GOLIM4: variants seen among roughly 807,000 people sequenced by gnomAD.
GOLIM4 encodes golgi integral membrane protein 4.
GOLIM4 carries 71 observed loss-of-function variants against 107.4 expected under a neutral mutation model. The ratio of observed to expected loss-of-function variants is 0.66; its 90% CI spans 0.55 to 0.81. The LOEUF (loss-of-function observed/expected upper bound fraction) is 0.81. Ranked by LOEUF, GOLIM4 falls within the 30% of genes least tolerant of loss-of-function variation. The pLI is 0.00. For synonymous variants in GOLIM4, 327 were observed against 294.8 expected (o/e 1.11, Z -1.12); for missense variants, 830 against 826.1 (o/e 1.00, Z -0.06).
At chr3:168,076,975 T>C (rs1419457008) in intron 1 of GOLIM4, among the ~76,000 whole-genome samples, 1 of 152,194 alleles carries the variant, frequency 6.6e-6, no homozygotes, top group African/African-American at 2.4e-5. Flanking sequence ...CAGATTTACT[T>C]ATTGCCTTTT....
intron 1 of GOLIM4, among the ~76,000 whole-genome samples, chr3:168,084,790 C>T (rs1170282520): frequency 6.6e-6 from 1 of 152,132 alleles, no homozygotes; most frequent in Admixed American, 6.6e-5. Context: ...GTGCCTCGAA[C>T]ACACTCTACA....
chr3:168,044,351 T>C (rs943335451), intron 4 of GOLIM4, among the ~76,000 whole-genome samples: 3 of 152,210 alleles, frequency 2.0e-5, no homozygotes, highest in Non-Finnish European at 4.4e-5. Flanking sequence ...TGACACAGAA[T>C]AATGAGTTTT....
intron 1 of GOLIM4, among the ~76,000 whole-genome samples, chr3:168,065,469 T>A (rs1479769846): frequency 6.6e-6 from 1 of 152,208 alleles, no homozygotes; most frequent in Non-Finnish European, 1.5e-5. Context: ...ATGCTTAAGG[T>A]GTCCTACAGT....
chr3:168,092,064 T>C (rs560725202), intron 1 of GOLIM4, among the ~76,000 whole-genome samples: 98 of 152,326 alleles, frequency 6.4e-4, no homozygotes, highest in African/African-American at 2.3e-3. Flanking sequence ...GTTATTTAAT[T>C]GGTCTGGGAG....
In GOLIM4 at chr3:168,024,818, C is replaced by T. The variant is rs888815665; in HGVS notation, c.1791+110G>A. The T allele has an allele frequency of 3.3e-5, 38 of 1,151,478 alleles. No homozygotes were observed. In the South Asian group the frequency reaches 3.4e-4, roughly 10 times the overall value. 71.3% of individuals were successfully genotyped at this position (1,151,478 alleles called of 1,614,324 possible). Reference sequence around the variant, plus strand: ...TGTCATAAAGTGGCCTAAAAACCACCGAAGTGGCAAACCTTCCGTCAATGT... The same window carrying T: ...TGTCATAAAGTGGCCTAAAAACCACTGAAGTGGCAAACCTTCCGTCAATGT... On this transcript the variant is annotated intron_variant, in intron 13 of 15. Transcript: ENST00000470487.
chr3:168,020,477 G>C (rs1027248819), intron 14 of GOLIM4, among the ~76,000 whole-genome samples: 8 of 152,144 alleles, frequency 5.3e-5, no homozygotes, highest in African/African-American at 1.7e-4. Context: ...AAAATCTCAA[G>C]GGTAAGGGTC....
chr3:168,091,028 G>GT (rs112845340), intron 1 of GOLIM4, among the ~76,000 whole-genome samples: 2 of 152,094 alleles, frequency 1.3e-5, no homozygotes, highest in Admixed American at 6.6e-5. Context: ...AGGCTAGCAG[G>GT]GGGTGAGAGT....
chr3:168,095,485 C>A lies in GOLIM4; in HGVS notation c.-200G>T. The A allele has an allele frequency of 1.9e-6, 1 of 530,798 alleles. No individual in the cohort carries two copies. The highest frequency in any genetic ancestry group is 3.3e-6 in the Non-Finnish European group (1 of 303,752). 32.9% of individuals were successfully genotyped at this position (530,798 alleles called of 1,614,324 possible). ...CGGGGCGCGCAGCCATCGACGCCGC[C>A]CGGGCAGCTGCAGCCAAACTTCTGC... On this transcript the variant is annotated 5_prime_UTR_variant, in exon 1 of 16. Transcript: ENST00000470487.
intron 5 of GOLIM4, among the ~76,000 whole-genome samples, chr3:168,042,355 G>A (rs963116581): frequency 6.6e-6 from 1 of 152,078 alleles, no homozygotes; most frequent in Admixed American, 6.5e-5. Flanking sequence ...TTGGCTCACT[G>A]TAAGAACCTC....
At chr3:168,071,840 A>G (rs761598173) in intron 1 of GOLIM4, among the ~76,000 whole-genome samples, 1 of 152,120 alleles carries the variant, frequency 6.6e-6, no homozygotes, top group Non-Finnish European at 1.5e-5. Context: ...AAGTATCCAC[A>G]GTAACTGATA....
rs73174986 is a variant in GOLIM4 at position 168,050,397 on chromosome 3, A to G, written c.188-2032T>C. ...ATCTTAAATTAAGTTTGGAATAAAGAAAGGAAAGTGTAAGATTAGCCCTAT... is the reference window on the plus strand; with the variant it reads ...ATCTTAAATTAAGTTTGGAATAAAGGAAGGAAAGTGTAAGATTAGCCCTAT... On this transcript the variant is annotated intron_variant, in intron 1 of 15. Transcript: ENST00000470487. Among the ~76,000 whole-genome samples the G allele has an allele frequency of 9.1e-3, 1,384 of 152,316 alleles. 13 individuals are homozygous for G. The highest frequency in any genetic ancestry group is 0.016 in the Non-Finnish European group (1,081 of 68,020).
intron 1 of GOLIM4, among the ~76,000 whole-genome samples, chr3:168,051,184 T>A (rs1445818857): frequency 6.6e-6 from 1 of 152,032 alleles, no homozygotes; most frequent in Non-Finnish European, 1.5e-5. Flanking sequence ...CTCTGCTAGA[T>A]GAAACCAAGT....
At chr3:168,057,156 GCA>G (rs1720022163) in intron 1 of GOLIM4, among the ~76,000 whole-genome samples, 1 of 152,158 alleles carries the variant, frequency 6.6e-6, no homozygotes, top group Non-Finnish European at 1.5e-5. Context: ...GAGTTTCCCT[GCA>G]CAAGTTCTCC....
intron 1 of GOLIM4, among the ~76,000 whole-genome samples, chr3:168,054,545 C>T (rs756272683): frequency 1.1e-4 from 16 of 152,160 alleles, no homozygotes; most frequent in East Asian, 1.9e-4. Flanking sequence ...CTCAATACTT[C>T]GTCTCCTTTC....
intron 1 of GOLIM4, among the ~76,000 whole-genome samples, chr3:168,074,313 C>G (rs539522833): frequency 1.3e-5 from 2 of 152,120 alleles, no homozygotes; most frequent in Non-Finnish European, 2.9e-5. Flanking sequence ...ATTTAAGGTG[C>G]TAGGTTTTTG....
chr3:168,050,981 G>A (rs895061438), intron 1 of GOLIM4, among the ~76,000 whole-genome samples: 1 of 151,898 alleles, frequency 6.6e-6, no homozygotes, highest in Non-Finnish European at 1.5e-5. Context: ...GGATAGAGGG[G>A]AAAAAAGCTG....
At chr3:168,073,634 T>A (rs867585527) in intron 1 of GOLIM4, among the ~76,000 whole-genome samples, 1 of 152,190 alleles carries the variant, frequency 6.6e-6, no homozygotes, top group Non-Finnish European at 1.5e-5. Context: ...AAATGAGATT[T>A]CAGCTAATAA....
chr3:168,032,433 G>A, intron 9 of GOLIM4, 87 bp downstream of exon 9: 2 of 904,172 alleles, frequency 2.2e-6, no homozygotes, highest in Non-Finnish European at 3.5e-6. Flanking sequence ...TTCTATTTTA[G>A]AGATTGTGAT....
Position 168,010,765 on chromosome 3 carries a change from G to A in GOLIM4, c.1919C>T (p.Thr640Ile), listed in dbSNP as rs1716961021. 2 of 1,610,660 alleles carry A rather than the reference G, an allele frequency of 1.2e-6. No homozygotes were observed. The highest frequency in any genetic ancestry group is 8.5e-7 in the Non-Finnish European group (1 of 1,177,374). ...KRELEHNAEE[T>I]YGENDENTDD... The stretch of plus-strand genomic sequence containing the variant: ...TACATTTTCATCATTTTCACCATAG[G>A]TCTCTTCAGCATTATGCTCCAGTTC... Residue 640 changes from threonine (T) to isoleucine (I), a missense_variant, in exon 15 of 16, where the codon ACC becomes ATC. Physicochemically the swap from Thr to Ile is moderately conservative, Grantham distance 89. Coordinates refer to ENST00000470487, the MANE Select transcript of GOLIM4 (RefSeq NM_014498.5).
Sources: gnomAD v4.1 joint callset for allele counts (sites outside exome capture counted in the v4.1 genomes callset) on GRCh38, gnomAD v4.1.1 for gene constraint, MANE v1.5 for transcripts, NCBI Gene and HGNC (gene_info 2026-07-23, HGNC 2026-07-21) for gene names.